Variants in ARHGAP4 observed in about 807,000 individuals in gnomAD.
ARHGAP4 encodes the protein Rho GTPase activating protein 4.
ARHGAP4 carries 25 observed loss-of-function variants against 67.6 expected under a neutral mutation model. The ratio of observed to expected loss-of-function variants is 0.37; its 90% CI spans 0.27 to 0.52. The LOEUF (loss-of-function observed/expected upper bound fraction) is 0.52. Among genes scored for constraint, ARHGAP4 ranks in the 20% least tolerant of loss-of-function variants. ARHGAP4 has a pLI of 0.92. For missense variants in ARHGAP4, 804 were observed against 854.6 expected, an observed-to-expected ratio of 0.94 and a Z score of 0.74; for synonymous variants, 448 against 373.7, an observed-to-expected ratio of 1.20 and a Z score of -2.29.
In ARHGAP4 at chrX:153,909,754, T is replaced by A; in HGVS notation, c.2401A>T (p.Thr801Ser). The change falls in exon 19 of 22, where the codon ACG (threonine) becomes TCG (serine). Residue 801 changes from threonine (T) to serine (S), a missense_variant. Around this residue, in one of 2 missense-constraint regions of ARHGAP4, gnomAD observed 400 missense variants for 348.7 expected, o/e 1.15. Coordinates refer to ENST00000350060, the MANE Select transcript of ARHGAP4 (RefSeq NM_001666.5). The part of the protein sequence containing the change: ...MRGLIPHKYI[T>S]LPAGTEKQVV... ...CGGCTCACTCACCCGGCGGGCAGCG[T>A]GATATACTTGTGGGGGATGAGGCCC... is the stretch of plus-strand genomic sequence containing the variant. The A allele has an allele frequency of 8.4e-7, 1 of 1,194,066 alleles. No individual in the cohort carries two copies. Among genetic ancestry groups the A allele is most frequent in the Non-Finnish European group, 1.1e-6 (1 of 887,615 alleles).
At chrX:153,919,684 G>A in intron 5 of ARHGAP4, 2 of 1,155,430 alleles carry the variant, frequency 1.7e-6, no homozygotes, top group Non-Finnish European at 2.3e-6. Context: ...GCGGGGGCCA[G>A]AGCTGAGGGG....
rs782445978 is a variant in ARHGAP4, at chrX:153,925,910, G to A, written c.67+226C>T. 6.2e-5 allele frequency among the ~76,000 whole-genome samples: 7 copies of A among 113,148 alleles called. No homozygotes were observed. The South Asian group carries it at 1.1e-3, about 17-fold the overall frequency. On this transcript the variant is annotated intron_variant, in intron 1 of 21. Coordinates refer to ENST00000350060, the MANE Select transcript of ARHGAP4 (RefSeq NM_001666.5). ...AAGCGGTAGACCCAAGGAGGACAGA[G>A]ACCAAAGGAAGGAAGACAGGAAAGA...
At chrX:153,922,100 G>A (rs2065099705) in intron 1 of ARHGAP4, 1 of 953,754 alleles carries the variant, frequency 1.0e-6, no homozygotes, top group South Asian at 4.4e-5. Flanking sequence ...AGAGGGGAGA[G>A]CCGCCCCAGC....
chrX:153,920,583 C>T (rs782347653), intron 5 of ARHGAP4, 43 bp downstream of exon 5: 1 of 1,154,469 alleles, frequency 8.7e-7, no homozygotes. Context: ...TAGTTAGGGC[C>T]CATGGCCCAT....
At chrX:153,917,895 G>A (rs2065066104) in intron 7 of ARHGAP4, among the ~76,000 whole-genome samples, 1 of 112,415 alleles carries the variant, frequency 8.9e-6, no homozygotes, top group Admixed American at 9.4e-5. Context: ...AGAGCACTGG[G>A]CAGAAGTGAA....
At chrX:153,908,112 A>C (rs1392143276) in intron 21 of ARHGAP4, 150 bp from the exon 22 acceptor site, 6 of 370,148 alleles carry the variant, frequency 1.6e-5, no homozygotes, top group Non-Finnish European at 2.6e-5. Flanking sequence ...CCCACTTTGC[A>C]CCTGGCATCC....
chrX:153,909,890 A>G lies in ARHGAP4; in HGVS notation c.2265T>C (p.Phe755=). 8.3e-7 allele frequency: 1 copy of G among 1,205,123 alleles called. No homozygotes were observed. Among genetic ancestry groups the G allele is most frequent in the South Asian group, 1.8e-5 (1 of 56,125 alleles). ...CCTGGGCTGTGCGGCCCGTGTAGGC[A>G]AAGCAGGCCACAGCCTCCACGACCC... is the stretch of plus-strand genomic sequence containing the variant. ...LEGVVEAVAC[F]AYTGRTAQEL... Residue 755 remains phenylalanine (F), a synonymous_variant, in exon 19 of 22, where the codon TTT becomes TTC. Coordinates refer to ENST00000350060, the MANE Select transcript of ARHGAP4 (RefSeq NM_001666.5).
chrX:153,919,747 C>G, intron 5 of ARHGAP4: 2 of 1,028,024 alleles, frequency 1.9e-6, no homozygotes, highest in Non-Finnish European at 2.5e-6. Flanking sequence ...TGAAACAGAA[C>G]CTGCTGGCAC....
At position 153,909,084 on chromosome X, in the gene ARHGAP4, C is replaced by T. The variant is rs782606987; in HGVS notation, c.2593G>A (p.Val865Met). Reference sequence around the variant, plus strand: ...CCCACTCTCACCTTATCCACCTCCACGTGTTGCTCTGGGGAGGCTGGGACC... The same window carrying T: ...CCCACTCTCACCTTATCCACCTCCATGTGTTGCTCTGGGGAGGCTGGGACC... ...CLVPASPEQHVEVDKAVAQNM... is the reference protein window; with the variant it reads ...CLVPASPEQHMEVDKAVAQNM... The change falls in exon 21 of 22, where the codon GTG (valine) becomes ATG (methionine). Residue 865 changes from valine to methionine, a missense_variant. By Grantham distance (21) the Val-to-Met change is conservative. Coordinates refer to ENST00000350060, the MANE Select transcript of ARHGAP4 (RefSeq NM_001666.5). 9 of 1,210,239 alleles carry T rather than the reference C, an allele frequency of 7.4e-6. No homozygotes were observed. Among genetic ancestry groups the T allele is most frequent in the African/African-American group, 5.2e-5 (3 of 57,503 alleles).
chrX:153,913,335 G>A (rs781882683), intron 9 of ARHGAP4, 33 bp from the exon 10 acceptor site: 2 of 1,200,131 alleles, frequency 1.7e-6, no homozygotes, highest in South Asian at 3.6e-5. Flanking sequence ...CCAAGTGTTA[G>A]CCCTGGCTTG....
Position 153,911,093 on chromosome X carries a change from G to C in ARHGAP4, c.1603+36C>G, listed in dbSNP as rs1557103185. ...CCAGGTGCTGGGAACTGGGTGCTGG[G>C]TGCCAGGACATCGGGAGGGGCTGGG... On this transcript the variant is annotated intron_variant, in intron 13 of 21. Coordinates refer to ENST00000350060, the MANE Select transcript of ARHGAP4 (RefSeq NM_001666.5). The C allele has an allele frequency of 2.6e-6, 3 of 1,166,386 alleles. No homozygotes were observed. In the Admixed American group the frequency reaches 7.7e-5, roughly 30 times the overall value.
rs782376616 is a variant in ARHGAP4 at position 153,926,166 on chromosome X, G to A, written c.37C>T (p.Leu13=). 9 of 1,202,051 alleles carry A rather than the reference G, an allele frequency of 7.5e-6. No homozygotes were observed. Among genetic ancestry groups the A allele is most frequent in the East Asian group, 3.0e-5 (1 of 33,018 alleles). ...ACTTGCGTCTCATACTCAGCCTGCA[G>A]CCCCCGCTCCCGCCGCAGCTTCCCG... ...AHGKLRRERG[L]QAEYETQVKE... The change falls in exon 1 of 22, where the codon CTG becomes TTG. Residue 13 remains leucine, a synonymous_variant. Coordinates refer to ENST00000350060, the MANE Select transcript of ARHGAP4 (RefSeq NM_001666.5).
chrX:153,907,509 T>C lies in ARHGAP4; in HGVS notation c.*220A>G. ...AGAAGAGGGCTTTCCCCAGCATCCTTCCTCAGCTGCCTCCAAAAGGGGCCT... is the reference window on the plus strand; with the variant it reads ...AGAAGAGGGCTTTCCCCAGCATCCTCCCTCAGCTGCCTCCAAAAGGGGCCT... On this transcript the variant is annotated 3_prime_UTR_variant, in exon 22 of 22. Coordinates refer to ENST00000350060, the MANE Select transcript of ARHGAP4 (RefSeq NM_001666.5). 1 of 371,731 alleles carries C rather than the reference T, an allele frequency of 2.7e-6. No individual in the cohort carries two copies. The highest frequency in any genetic ancestry group is 2.5e-5 in the African/African-American group (1 of 39,624). 30.6% of individuals were successfully genotyped at this position (371,731 alleles called of 1,213,427 possible).
intron 1 of ARHGAP4, among the ~76,000 whole-genome samples, chrX:153,925,772 A>C (rs937068056): frequency 2.7e-5 from 3 of 112,251 alleles, no homozygotes; most frequent in Admixed American, 9.4e-5. Context: ...CCCCAGCCCA[A>C]TCAAGCTGGT....
chrX:153,921,426 G>A lies in ARHGAP4; in HGVS notation c.374C>T (p.Ala125Val), dbSNP rs782245630. ...RESAALSEVL[A>V]GPLAQRLSHI... is the part of the protein sequence containing the mutation. Reference sequence around the variant, plus strand: ...ACTCAGGCGCTGGGCCAGGGGCCCGGCCAGCACCTCACTCAGGGCCGCGCT... The same window carrying A: ...ACTCAGGCGCTGGGCCAGGGGCCCGACCAGCACCTCACTCAGGGCCGCGCT... Residue 125 changes from alanine to valine, a missense_variant, in exon 3 of 22, where the codon GCC (alanine) becomes GTC (valine). By Grantham distance (64) the Ala-to-Val change is moderately conservative (BLOSUM62 0). Transcript: ENST00000350060. 1.7e-6 allele frequency: 2 copies of A among 1,209,872 alleles called. No homozygotes were observed. The highest frequency in any genetic ancestry group is 3.5e-5 in the South Asian group (2 of 56,814).
At chrX:153,924,349 A>C (rs2065114152) in intron 1 of ARHGAP4, among the ~76,000 whole-genome samples, 1 of 111,727 alleles carries the variant, frequency 9.0e-6, no homozygotes, top group African/African-American at 3.3e-5. Context: ...TGAGCAGGCA[A>C]CTTGTGAATT....
rs370544177 is a variant in ARHGAP4, at chrX:153,920,596, G to A, written c.681+30C>T. 4.5e-3 allele frequency: 5,262 copies of A among 1,173,239 alleles called. 19 individuals carry two copies. The highest frequency in any genetic ancestry group is 5.5e-3 in the Non-Finnish European group (4,838 of 876,743). ...CCTAGTTAGGGCCCATGGCCCATAG[G>A]CCTGCGTCTGAGGTGCCCTCCAGGC... On this transcript the variant is annotated intron_variant, in intron 5 of 21. Transcript: ENST00000350060.
rs782813133 is a variant in ARHGAP4, at chrX:153,913,502, G to A, written c.1233C>T (p.Thr411=). ...CTGAGCTGGTGGACTTGAGGGACTCGGTGGAGGGGCTGGTCTGGAAGGAAT... is the reference window on the plus strand; with the variant it reads ...CTGAGCTGGTGGACTTGAGGGACTCAGTGGAGGGGCTGGTCTGGAAGGAAT... ...VLDSFQTSPS[T]ESLKSTSSDP... is the part of the protein sequence containing the mutation. The change falls in exon 9 of 22, where the codon ACC becomes ACT. Residue 411 remains threonine, a synonymous_variant. Transcript: ENST00000350060. The A allele has an allele frequency of 9.1e-6, 11 of 1,210,590 alleles. No homozygotes were observed. The highest frequency in any genetic ancestry group is 2.3e-4 in the Middle Eastern group (1 of 4,368).
intron 2 of ARHGAP4, 25 bp downstream of exon 2, chrX:153,921,580 G>GC (rs781990517): frequency 1.7e-6 from 2 of 1,205,072 alleles, no homozygotes; most frequent in East Asian, 3.0e-5. Flanking sequence ...CCCTGCCGTG[G>GC]CCCCCCTGCC....
Sources: gnomAD v4.1 joint callset for allele counts (sites outside exome capture counted in the v4.1 genomes callset) on GRCh38, gnomAD v4.1.1 for gene constraint, gnomAD v4.1.1 regional missense constraint, MANE v1.5 for transcripts, NCBI Gene and HGNC (gene_info 2026-07-23, HGNC 2026-07-21) for gene names.